The following NFATC2 variants were observed in gnomAD, a reference collection of about 807,000 sequenced individuals.
The protein encoded by NFATC2 is nuclear factor of activated T-cells, cytoplasmic 2.
In NFATC2, 22 loss-of-function variants were observed where a neutral mutation model predicts 87.3. That is an observed-to-expected ratio of 0.25 (90% CI 0.18 to 0.36). The LOEUF is 0.36. Among genes scored for constraint, NFATC2 ranks in the 10% least tolerant of loss-of-function variants. The pLI is 1.00. For synonymous variants in NFATC2, 565 were observed against 542.2 expected, an observed-to-expected ratio of 1.04 and a Z score of -0.58; for missense variants, 1,149 against 1,259.1, an observed-to-expected ratio of 0.91 and a Z score of 1.32.
chr20:51,433,527 C>T (rs924422178), intron 8 of NFATC2, among the ~76,000 whole-genome samples: 1 of 152,302 alleles, frequency 6.6e-6, no homozygotes. Flanking sequence ...CTGCTATTCT[C>T]TTACTATGAT....
At chr20:51,474,963 C>CT (rs1387504137) in intron 4 of NFATC2, among the ~76,000 whole-genome samples, 76 of 147,250 alleles carry the variant, frequency 5.2e-4, no homozygotes, top group South Asian at 8.6e-4. Context: ...ACATATTATA[C>CT]TTTATTTATT....
At position 51,389,171 on chromosome 20, in the gene NFATC2, G is replaced by A. The variant is rs145328138; in HGVS notation, c.*2325C>T. The A allele has an allele frequency of 8.5e-5, 13 of 152,232 alleles. No homozygotes were observed. Among genetic ancestry groups the A allele is most frequent in the Admixed American group, 3.9e-4 (6 of 15,296 alleles). The allele number at this position is 152,232 out of a possible 1,614,324, so 9.4% of individuals were successfully genotyped here. A position where few individuals can be genotyped will look rare whatever the true frequency, so the allele number is the denominator to read the frequency against. On this transcript the variant is annotated 3_prime_UTR_variant, in exon 11 of 11. Coordinates refer to ENST00000371564, the MANE Select transcript of NFATC2 (RefSeq NM_012340.5). ...GTGTGTGTATTACACACACACACGC[G>A]TACAGGAGGTTGAGCTACCAGGAGG...
chr20:51,492,989 G>A (rs778569668), intron 3 of NFATC2, among the ~76,000 whole-genome samples: 11 of 152,344 alleles, frequency 7.2e-5, no homozygotes, highest in Admixed American at 2.6e-4. Context: ...GGATGCGATC[G>A]TGTGCCTCCC....
At chr20:51,469,850 C>T (rs1988032552) in intron 5 of NFATC2, among the ~76,000 whole-genome samples, 1 of 152,202 alleles carries the variant, frequency 6.6e-6, no homozygotes, top group Admixed American at 6.5e-5. Context: ...CCTGCTGACA[C>T]CTTGATTTCA....
chr20:51,496,621 C>T (rs2075993304), intron 3 of NFATC2, among the ~76,000 whole-genome samples: 1 of 152,126 alleles, frequency 6.6e-6, no homozygotes, highest in Non-Finnish European at 1.5e-5. Flanking sequence ...AGGCCCTCTG[C>T]TTCAGTATTT....
intron 3 of NFATC2, among the ~76,000 whole-genome samples, chr20:51,512,401 C>T (rs930623417): frequency 7.2e-5 from 11 of 152,206 alleles, no homozygotes; most frequent in Admixed American, 1.3e-4. Context: ...CACTTTCCCG[C>T]AGCCCCTGAG....
In NFATC2 at chr20:51,523,845, G is replaced by A. The variant is rs1475257769; in HGVS notation, c.396C>T (p.Asp132=). ...GCGGCTGCTCCACCAGGAGGCCCGC[G>A]TCTCTCATGCGGAGGGGCCCCACTG... ...IQAVGPLRMR[D]AGLLVEQPPL... The change falls in exon 2 of 11, where the codon GAC becomes GAT. Residue 132 remains aspartate, a synonymous_variant. Transcript: ENST00000371564. The surrounding 1 kb of genome is among the most constrained non-coding windows in gnomAD (Gnocchi z 6.9). 1.2e-6 allele frequency: 2 copies of A among 1,610,928 alleles called. No individual in the cohort carries two copies. The highest frequency in any genetic ancestry group is 3.4e-5 in the Admixed American group (2 of 59,538).
rs888688903 is a variant in NFATC2, at chr20:51,390,913, C to T, written c.*583G>A. 2 of 216,748 alleles carry T rather than the reference C, an allele frequency of 9.2e-6. No individual in the cohort carries two copies. The highest frequency in any genetic ancestry group is 1.9e-5 in the Non-Finnish European group (2 of 105,678). 13.4% of individuals were successfully genotyped at this position (216,748 alleles called of 1,614,324 possible). A position where few individuals can be genotyped will look rare whatever the true frequency, so the allele number is the denominator to read the frequency against. ...GTTTTGGGTTTCTTCAGCCTGTAAGCTGGGCTCTTGGGTCACGTTCCTTTG... is the reference window on the plus strand; with the variant it reads ...GTTTTGGGTTTCTTCAGCCTGTAAGTTGGGCTCTTGGGTCACGTTCCTTTG... On this transcript the variant is annotated 3_prime_UTR_variant, in exon 11 of 11. Transcript: ENST00000371564.
chr20:51,452,075 T>C (rs1257872837), intron 6 of NFATC2, among the ~76,000 whole-genome samples: 1 of 152,134 alleles, frequency 6.6e-6, no homozygotes, highest in African/African-American at 2.4e-5. Flanking sequence ...GGACTGCTGG[T>C]GCAGAGTCTT....
chr20:51,550,931 A>T (rs2076927817), intron 1 of NFATC2, among the ~76,000 whole-genome samples: 2 of 152,252 alleles, frequency 1.3e-5, no homozygotes, highest in African/African-American at 4.8e-5. Flanking sequence ...ATAACACATA[A>T]GTCACACATT....
chr20:51,449,389 G>A (rs926920505), intron 6 of NFATC2, among the ~76,000 whole-genome samples: 1 of 152,124 alleles, frequency 6.6e-6, no homozygotes, highest in Non-Finnish European at 1.5e-5. Context: ...ATCCCCCGCA[G>A]AGAAGCCCAC....
At chr20:51,495,220 G>T (rs1207348219) in intron 3 of NFATC2, among the ~76,000 whole-genome samples, 1 of 152,152 alleles carries the variant, frequency 6.6e-6, no homozygotes, top group Non-Finnish European at 1.5e-5. Flanking sequence ...GAGTAGCTGG[G>T]ACAACAGGCA....
intron 2 of NFATC2, among the ~76,000 whole-genome samples, chr20:51,517,912 C>CAAAA (rs71192528): frequency 2.8e-4 from 39 of 139,080 alleles, no homozygotes; most frequent in Non-Finnish European, 5.1e-4. Context: ...GAGACTGTCT[C>CAAAA]AAAAAAAAAA....
intron 1 of NFATC2, among the ~76,000 whole-genome samples, chr20:51,560,220 A>G (rs2077009910): frequency 6.6e-6 from 1 of 152,152 alleles, no homozygotes; most frequent in Non-Finnish European, 1.5e-5. Flanking sequence ...TGGAAGAGAG[A>G]CATAATTATT....
At chr20:51,530,252 C>T (rs1184695757) in intron 1 of NFATC2, among the ~76,000 whole-genome samples, 2 of 152,098 alleles carry the variant, frequency 1.3e-5, no homozygotes, top group Non-Finnish European at 2.9e-5. Flanking sequence ...CTGCAACCTC[C>T]GCCTCCCGGG....
intron 9 of NFATC2, among the ~76,000 whole-genome samples, chr20:51,421,819 T>C (rs1015019550): frequency 2.6e-5 from 4 of 152,216 alleles, no homozygotes; most frequent in African/African-American, 4.8e-5. Context: ...ATGCAGCCCA[T>C]GGAGCACCAG....
rs1234960228 is a variant in NFATC2, at chr20:51,523,126, G to A, written c.1115C>T (p.Pro372Leu). 3 of 1,614,108 alleles carry A rather than the reference G, an allele frequency of 1.9e-6. No homozygotes were observed. Among genetic ancestry groups the A allele is most frequent in the African/African-American group, 1.3e-5 (1 of 74,956 alleles). The change falls in exon 2 of 11, where the codon CCG (proline) becomes CTG (leucine). Residue 372 changes from proline (P) to leucine (L), a missense_variant. Around this residue, in one of 3 missense-constraint regions of NFATC2, gnomAD observed 563 missense variants for 585.2 expected, o/e 0.96. Coordinates refer to ENST00000371564, the MANE Select transcript of NFATC2 (RefSeq NM_012340.5). The surrounding 1 kb of genome is among the most constrained non-coding windows in gnomAD (Gnocchi z 6.9). ...NSAPESILLVPPTWPKPLVPA... is the reference protein window; with the variant it reads ...NSAPESILLVLPTWPKPLVPA... ...CACCAGCGGCTTGGGCCAAGTGGGC[G>A]GAACCAGCAGGATGGATTCTGGAGC...
At position 51,425,672 on chromosome 20, in the gene NFATC2, C is replaced by T. The variant is rs557329591; in HGVS notation, c.2722+6395G>A. ...GCACTGAGGGGCCCTAGTGAAAGAT[C>T]CCTGAACTGCTGAACAAAGCAGGCC... On this transcript the variant is annotated intron_variant, in intron 9 of 10. Transcript: ENST00000371564. 2.6e-5 allele frequency among the ~76,000 whole-genome samples: 4 copies of T among 152,360 alleles called. No homozygotes were observed. In the East Asian group the frequency reaches 7.7e-4, roughly 29 times the overall value.
rs76958983 is a variant in NFATC2 at position 51,406,336 on chromosome 20, T to C, written c.2723-7606A>G. On this transcript the variant is annotated intron_variant, in intron 9 of 10. Transcript: ENST00000371564. ...GGGAGACCCTAGCTTTTATCAGGGTTGGGCAGTAGAAATCACCCACATGGT... is the reference window on the plus strand; with the variant it reads ...GGGAGACCCTAGCTTTTATCAGGGTCGGGCAGTAGAAATCACCCACATGGT... 9.5e-3 allele frequency among the ~76,000 whole-genome samples: 1,438 copies of C among 152,066 alleles called. 7 individuals carry two copies. Among genetic ancestry groups the C allele is most frequent in the Non-Finnish European group, 0.016 (1,102 of 67,948 alleles).
Sources: allele counts gnomAD v4.1 joint callset (sites outside exome capture counted in the v4.1 genomes callset), GRCh38; gene constraint gnomAD v4.1.1; regional missense constraint gnomAD v4.1.1; non-coding constraint Gnocchi (gnomAD v3.1); transcripts MANE v1.5; gene names NCBI Gene and HGNC (gene_info 2026-07-23, HGNC 2026-07-21).